The following FANK1 variants were observed in gnomAD, a reference collection of about 807,000 sequenced individuals.
The protein encoded by FANK1 is fibronectin type 3 and ankyrin repeat domains protein 1.
FANK1 carries 44 observed loss-of-function variants against 45.3 expected under a neutral mutation model. That is an observed-to-expected ratio of 0.97 (90% CI 0.76 to 1.25). FANK1 has a LOEUF of 1.25. Ranked by LOEUF, FANK1 falls within the 50% of genes most tolerant of loss-of-function variation. The probability of loss-of-function intolerance (pLI) is 0.00; values close to 1 mark genes in which losing one functional copy is unlikely to be tolerated. For synonymous variants in FANK1, 149 were observed against 152.5 expected (o/e 0.98, Z 0.17); for missense variants, 391 against 424.4 (o/e 0.92, Z 0.69).
intron 2 of FANK1, among the ~76,000 whole-genome samples, chr10:125,987,304 G>T (rs2134208988): frequency 6.6e-6 from 1 of 152,122 alleles, no homozygotes; most frequent in East Asian, 1.9e-4. Context: ...TAAATATTTA[G>T]TTGCACATAA....
intron 1 of FANK1, among the ~76,000 whole-genome samples, chr10:125,907,259 TC>T (rs1945601127): frequency 6.6e-6 from 1 of 152,218 alleles, no homozygotes; most frequent in African/African-American, 2.4e-5. Context: ...AACTCTTCAC[TC>T]CTTATATTCT....
intron 1 of FANK1, among the ~76,000 whole-genome samples, chr10:125,952,519 G>C (rs571332247): frequency 6.6e-4 from 101 of 152,178 alleles, no homozygotes; most frequent in African/African-American, 2.3e-3. Context: ...ACCCAAACCA[G>C]GATCACCCTT....
chr10:125,973,023 A>G (rs1222625283), intron 1 of FANK1: 1 of 152,258 alleles, frequency 6.6e-6, no homozygotes, highest in East Asian at 1.9e-4. Flanking sequence ...TTTTTGCTCC[A>G]TCATGAGTAG....
At chr10:125,986,931 A>G (rs1299203345) in intron 2 of FANK1, among the ~76,000 whole-genome samples, 1 of 152,178 alleles carries the variant, frequency 6.6e-6, no homozygotes, top group Non-Finnish European at 1.5e-5. Context: ...ACTTTGTGCC[A>G]TGCCTCATCC....
At chr10:125,960,322 A>T in intron 1 of FANK1, 1 of 259,206 alleles carries the variant, frequency 3.9e-6, no homozygotes, top group Non-Finnish European at 7.7e-6. Context: ...GCTGCCTGAG[A>T]GACCTTGATC....
Position 126,000,479 on chromosome 10 carries a change from CAT to C in FANK1, c.539+2996_539+2997del, listed in dbSNP as rs760188286. ...ACCTGGTATATGATGATAGAAGTAACATAAACCATTGAGGAAGGTATTGGAAA... is the reference window on the plus strand; with the variant it reads ...ACCTGGTATATGATGATAGAAGTAACAAACCATTGAGGAAGGTATTGGAAA... On this transcript the variant is annotated intron_variant, in intron 6 of 10. Coordinates refer to ENST00000368693, the MANE Select transcript of FANK1 (RefSeq NM_145235.5). Among the ~76,000 whole-genome samples, 5 of 152,176 alleles carry C rather than the reference CAT, an allele frequency of 3.3e-5. No homozygotes were observed. In the East Asian group the frequency reaches 9.7e-4, roughly 29 times the overall value.
At chr10:125,998,271 G>C (rs1273812055) in intron 6 of FANK1, among the ~76,000 whole-genome samples, 4 of 152,188 alleles carry the variant, frequency 2.6e-5, no homozygotes, top group African/African-American at 7.2e-5. Context: ...AACACCTTCT[G>C]GGGGAGGCCT....
At chr10:125,964,970 C>G (rs1178559447) in intron 1 of FANK1, among the ~76,000 whole-genome samples, 1 of 152,190 alleles carries the variant, frequency 6.6e-6, no homozygotes, top group Non-Finnish European at 1.5e-5. Flanking sequence ...ACCAGCCTGA[C>G]TAACATGCAG....
intron 1 of FANK1, among the ~76,000 whole-genome samples, chr10:125,953,364 C>G (rs1426640042): frequency 6.6e-6 from 1 of 152,144 alleles, no homozygotes; most frequent in African/African-American, 2.4e-5. Context: ...CTAGGGATTT[C>G]CAGACTTTGC....
intron 1 of FANK1, chr10:125,972,388 T>C (rs553409572): frequency 6.6e-6 from 1 of 152,296 alleles, no homozygotes; most frequent in East Asian, 1.9e-4. Flanking sequence ...TCCTAAAATA[T>C]GTATATTAGC....
At chr10:125,903,643 A>T (rs1269053267) in intron 1 of FANK1, among the ~76,000 whole-genome samples, 12 of 152,242 alleles carry the variant, frequency 7.9e-5, no homozygotes, top group Admixed American at 6.5e-5. Context: ...CAGCCCGGGC[A>T]ACATGTCGAG....
intron 1 of FANK1, among the ~76,000 whole-genome samples, chr10:125,960,881 T>TA (rs562591044): frequency 3.0e-4 from 46 of 151,952 alleles, no homozygotes; most frequent in African/African-American, 9.6e-4. Flanking sequence ...TTCATAGAAA[T>TA]AAAAAAAATC....
At chr10:125,925,021 G>C (rs1332717339) in intron 1 of FANK1, among the ~76,000 whole-genome samples, 1 of 151,832 alleles carries the variant, frequency 6.6e-6, no homozygotes, top group African/African-American at 2.4e-5. Flanking sequence ...CTTAACACTC[G>C]TCTATATGGT....
intron 1 of FANK1, among the ~76,000 whole-genome samples, chr10:125,961,663 C>T (rs1352927225): frequency 6.6e-6 from 1 of 152,130 alleles, no homozygotes; most frequent in African/African-American, 2.4e-5. Flanking sequence ...AGGGGGAAGC[C>T]CTTCAGGACA....
intron 3 of FANK1, chr10:125,989,448 G>T (rs1346035177): frequency 1.5e-5 from 19 of 1,245,926 alleles, no homozygotes; most frequent in Middle Eastern, 1.8e-4. Context: ...TGGCTTGGAG[G>T]TATGTGCTTT....
intron 1 of FANK1, among the ~76,000 whole-genome samples, chr10:125,910,835 C>T: frequency 6.6e-6 from 1 of 152,056 alleles, no homozygotes; most frequent in East Asian, 1.9e-4. Flanking sequence ...GAGATTGAGA[C>T]CATCCTGGCT....
At chr10:126,003,136 C>T (rs779790040) in intron 6 of FANK1, among the ~76,000 whole-genome samples, 20 of 148,864 alleles carry the variant, frequency 1.3e-4, no homozygotes, top group Non-Finnish European at 2.8e-4. Context: ...ATAGCAGTGA[C>T]TCTTTGAGGA....
chr10:125,917,432 A>G (rs996107369), intron 1 of FANK1, among the ~76,000 whole-genome samples: 12 of 152,234 alleles, frequency 7.9e-5, no homozygotes, highest in African/African-American at 2.9e-4. Flanking sequence ...TGAATCATGA[A>G]TAAAAGCCAA....
chr10:125,953,551 C>T (rs1949387999), intron 1 of FANK1, among the ~76,000 whole-genome samples: 1 of 152,098 alleles, frequency 6.6e-6, no homozygotes, highest in Admixed American at 6.6e-5. Context: ...GGGAAGAACC[C>T]CACATTTTTA....
Sources: gnomAD v4.1 joint callset for allele counts (sites outside exome capture counted in the v4.1 genomes callset) on GRCh38, gnomAD v4.1.1 for gene constraint, MANE v1.5 for transcripts, NCBI Gene and HGNC (gene_info 2026-07-23, HGNC 2026-07-21) for gene names.